The following MRPS28 variants were observed in gnomAD, a reference collection of about 807,000 sequenced individuals.
MRPS28 encodes small ribosomal subunit protein bS1m.
A neutral mutation model predicts 10.8 loss-of-function variants in MRPS28; 7 were observed. The ratio of observed to expected loss-of-function variants is 0.65; its 90% CI spans 0.37 to 1.22. MRPS28 has a LOEUF of 1.22. Ranked by LOEUF, MRPS28 falls within the 50% of genes most tolerant of loss-of-function variation. MRPS28 has a pLI of 0.02. For synonymous variants in MRPS28, 121 were observed against 93.3 expected, an observed-to-expected ratio of 1.30 and a Z score of -1.71; for missense variants, 265 against 232.9, an observed-to-expected ratio of 1.14 and a Z score of -0.90.
chr8:79,999,978 T>C (rs1207556394), intron 2 of MRPS28, among the ~76,000 whole-genome samples: 1 of 152,196 alleles, frequency 6.6e-6, no homozygotes, highest in Non-Finnish European at 1.5e-5. Context: ...TGTCACCATA[T>C]TATCCATTTT....
At chr8:79,954,876 C>A (rs770487215) in intron 2 of MRPS28, among the ~76,000 whole-genome samples, 1 of 151,928 alleles carries the variant, frequency 6.6e-6, no homozygotes, top group Non-Finnish European at 1.5e-5. Context: ...AGGTGTGCAC[C>A]GTAGTCCCAG....
chr8:79,978,169 A>T (rs1807852029), intron 2 of MRPS28, among the ~76,000 whole-genome samples: 1 of 152,214 alleles, frequency 6.6e-6, no homozygotes. Flanking sequence ...AATTTAAGTG[A>T]ACTTAATTAA....
chr8:80,018,251 G>A lies in MRPS28; in HGVS notation c.213+11785C>T, dbSNP rs1329572886. On this transcript the variant is annotated intron_variant, in intron 1 of 2. Transcript: ENST00000276585. Reference sequence around the variant, plus strand: ...GCAGAGCTCGCAGTGAGCCGAGATCGTGCCACTGCAATCCAGCCTGGGAGA... The same window carrying A: ...GCAGAGCTCGCAGTGAGCCGAGATCATGCCACTGCAATCCAGCCTGGGAGA... 3.7e-5 allele frequency among the ~76,000 whole-genome samples: 5 copies of A among 135,148 alleles called. No homozygotes were observed. In the Admixed American group the frequency reaches 4.1e-4, roughly 11 times the overall value. The allele number at this position is 135,148 out of a possible 152,430, so 88.7% of individuals were successfully genotyped here. A position where few individuals can be genotyped will look rare whatever the true frequency, so the allele number is the denominator to read the frequency against.
intron 2 of MRPS28, among the ~76,000 whole-genome samples, chr8:79,925,966 G>A (rs1810222221): frequency 6.8e-6 from 1 of 147,790 alleles, no homozygotes; most frequent in African/African-American, 2.5e-5. Flanking sequence ...AGGCCTGGGT[G>A]ACAGAGCAAG....
At chr8:79,953,996 C>T (rs961024793) in intron 2 of MRPS28, among the ~76,000 whole-genome samples, 4 of 152,130 alleles carry the variant, frequency 2.6e-5, no homozygotes, top group African/African-American at 9.7e-5. Context: ...AATGCCCTAC[C>T]AGAATGGCTA....
chr8:79,936,999 T>A (rs969377079), intron 2 of MRPS28, among the ~76,000 whole-genome samples: 1 of 152,126 alleles, frequency 6.6e-6, no homozygotes, highest in Admixed American at 6.6e-5. Context: ...TAGCTGGGAT[T>A]ACAGGCACCT....
intron 2 of MRPS28, among the ~76,000 whole-genome samples, chr8:79,966,656 C>A (rs866289615): frequency 6.6e-6 from 1 of 151,978 alleles, no homozygotes; most frequent in Non-Finnish European, 1.5e-5. Flanking sequence ...TTCACATGAA[C>A]GATATAACAG....
At chr8:79,999,895 C>T (rs1019936085) in intron 2 of MRPS28, among the ~76,000 whole-genome samples, 12 of 151,988 alleles carry the variant, frequency 7.9e-5, no homozygotes, top group African/African-American at 2.7e-4. Context: ...GATGACATTT[C>T]AGACTTACAG....
intron 2 of MRPS28, among the ~76,000 whole-genome samples, chr8:79,928,748 G>A (rs1435467476): frequency 3.4e-5 from 5 of 149,080 alleles, no homozygotes; most frequent in East Asian, 2.2e-4. Context: ...GCCTAAGTAC[G>A]TTAATTAAAC....
chr8:80,014,426 C>T (rs1809142050), intron 1 of MRPS28, among the ~76,000 whole-genome samples: 1 of 152,110 alleles, frequency 6.6e-6, no homozygotes, highest in East Asian at 1.9e-4. Flanking sequence ...GAAAAGACTC[C>T]AAATGACAGC....
In MRPS28 at chr8:79,970,850, G is replaced by A. The variant is rs147495412; in HGVS notation, c.395+32149C>T. Among the ~76,000 whole-genome samples, 590 of 152,302 alleles carry A rather than the reference G, an allele frequency of 3.9e-3. 2 individuals carry two copies. Among genetic ancestry groups the A allele is most frequent in the Non-Finnish European group, 6.2e-3 (422 of 68,000 alleles). Reference sequence around the variant, plus strand: ...TTTGCTGAGATGCTCTAACATTGCAGTAACAAGGGTTACTCTTAGCATGTT... The same window carrying A: ...TTTGCTGAGATGCTCTAACATTGCAATAACAAGGGTTACTCTTAGCATGTT... On this transcript the variant is annotated intron_variant, in intron 2 of 2. Coordinates refer to ENST00000276585, the MANE Select transcript of MRPS28 (RefSeq NM_014018.3).
intron 2 of MRPS28, among the ~76,000 whole-genome samples, chr8:79,959,664 C>A (rs1487571544): frequency 3.3e-5 from 5 of 151,962 alleles, no homozygotes; most frequent in Non-Finnish European, 5.9e-5. Context: ...AGAAAGGTTA[C>A]CACAGAAATT....
At chr8:79,997,617 A>T (rs1176695837) in intron 2 of MRPS28, among the ~76,000 whole-genome samples, 1 of 152,176 alleles carries the variant, frequency 6.6e-6, no homozygotes, top group African/African-American at 2.4e-5. Flanking sequence ...GATGGGGGAA[A>T]AAAAAAAAAC....
chr8:80,007,513 T>C (rs1047253378), intron 1 of MRPS28, among the ~76,000 whole-genome samples: 6 of 152,106 alleles, frequency 3.9e-5, no homozygotes, highest in Non-Finnish European at 7.4e-5. Flanking sequence ...GATTGTATAT[T>C]TAGAAAACCC....
At chr8:79,989,930 G>A (rs1808309019) in intron 2 of MRPS28, among the ~76,000 whole-genome samples, 1 of 152,112 alleles carries the variant, frequency 6.6e-6, no homozygotes, top group Non-Finnish European at 1.5e-5. Flanking sequence ...GAGGTGGGTG[G>A]ATCACCTGAG....
chr8:79,921,766 C>T (rs1477762767), intron 2 of MRPS28, among the ~76,000 whole-genome samples: 1 of 152,070 alleles, frequency 6.6e-6, no homozygotes. Flanking sequence ...TAATTGAATA[C>T]CCTTTATTTC....
At chr8:80,013,405 T>C (rs1456174438) in intron 1 of MRPS28, among the ~76,000 whole-genome samples, 4 of 151,814 alleles carry the variant, frequency 2.6e-5, no homozygotes, top group Admixed American at 2.6e-4. Flanking sequence ...GAGGCTGAGG[T>C]AGGTGGATCA....
intron 1 of MRPS28, among the ~76,000 whole-genome samples, chr8:80,013,970 ACT>A (rs1809129174): frequency 6.6e-6 from 1 of 152,140 alleles, no homozygotes; most frequent in South Asian, 2.1e-4. Flanking sequence ...AAAATTATAA[ACT>A]CTCAATATTG....
intron 2 of MRPS28, among the ~76,000 whole-genome samples, chr8:79,961,020 T>A (rs960414288): frequency 3.9e-5 from 6 of 152,096 alleles, no homozygotes; most frequent in Non-Finnish European, 7.4e-5. Flanking sequence ...GGAAGCTCTC[T>A]GTTGAGGCCG....
Sources: gnomAD v4.1 joint callset for allele counts (sites outside exome capture counted in the v4.1 genomes callset) on GRCh38, gnomAD v4.1.1 for gene constraint, MANE v1.5 for transcripts, NCBI Gene and HGNC (gene_info 2026-07-23, HGNC 2026-07-21) for gene names.